The following HIVEP1 variants were observed in gnomAD, a reference collection of about 807,000 sequenced individuals.
The protein encoded by HIVEP1 is HIVEP zinc finger 1, also known as zinc finger protein 40.
In HIVEP1, 36 loss-of-function variants were observed where a neutral mutation model predicts 180.0. The ratio of observed to expected loss-of-function variants is 0.20; its 90% CI spans 0.15 to 0.26. The LOEUF (loss-of-function observed/expected upper bound fraction) is 0.26, where lower values mean the gene tolerates loss of function less well. Among genes scored for constraint, HIVEP1 ranks in the 10% least tolerant of loss-of-function variants. HIVEP1 has a pLI of 1.00. For synonymous variants in HIVEP1, 1,239 were observed against 1,239.0 expected, an observed-to-expected ratio of 1.00 and a Z score of 0.00; for missense variants, 3,143 against 3,268.7, an observed-to-expected ratio of 0.96 and a Z score of 0.94.
intron 2 of HIVEP1, among the ~76,000 whole-genome samples, chr6:12,024,963 C>T (rs763339651): frequency 2.0e-5 from 3 of 152,190 alleles, no homozygotes; most frequent in Non-Finnish European, 4.4e-5. Flanking sequence ...ATAGGTCTTA[C>T]GATGATAAAA....
chr6:12,185,240 C>T, the HIVEP1 span, among the ~76,000 whole-genome samples: 3 of 152,342 alleles, frequency 2.0e-5, no homozygotes, highest in South Asian at 2.1e-4. Flanking sequence ...TGGTGTAAGG[C>T]GTTCACCCAG....
At chr6:12,099,284 C>T (rs1266384483) in intron 3 of HIVEP1, among the ~76,000 whole-genome samples, 3 of 151,386 alleles carry the variant, frequency 2.0e-5, no homozygotes, top group African/African-American at 7.3e-5. Flanking sequence ...TCTCCTGCCT[C>T]AGCCTCCCAA....
At position 12,120,281 on chromosome 6, in the gene HIVEP1, A is replaced by G. The variant is rs551121869; in HGVS notation, c.486A>G (p.Gln162=). The change falls in exon 4 of 9, where the codon CAA becomes CAG. Residue 162 remains glutamine, a synonymous_variant. Coordinates refer to ENST00000379388, the MANE Select transcript of HIVEP1 (RefSeq NM_002114.4). ...CCAAATTCAGTGACCTCGATGAACA[A>G]TGTGACTCAAGTTCCTTGTCAAGTA... ...DPAKFSDLDE[Q]CDSSSLSSKT... The G allele has an allele frequency of 2.5e-6, 4 of 1,614,058 alleles. No homozygotes were observed. Among genetic ancestry groups the G allele is most frequent in the Admixed American group, 1.7e-5 (1 of 60,006 alleles).
chr6:12,097,753 G>A (rs1374219366), intron 3 of HIVEP1, among the ~76,000 whole-genome samples: 2 of 152,082 alleles, frequency 1.3e-5, no homozygotes, highest in Non-Finnish European at 2.9e-5. Flanking sequence ...CAGATAGACT[G>A]CCAGCTTTAT....
the HIVEP1 span, among the ~76,000 whole-genome samples, chr6:12,195,710 C>G: frequency 3.3e-5 from 5 of 152,298 alleles, no homozygotes; most frequent in East Asian, 9.7e-4. Flanking sequence ...GACTCTGAAC[C>G]AACCTGTGTA....
At position 12,122,899 on chromosome 6, in the gene HIVEP1, A is replaced by G. The variant is rs769151765; in HGVS notation, c.3104A>G (p.Lys1035Arg). 8 of 1,614,022 alleles carry G rather than the reference A, an allele frequency of 5.0e-6. No individual in the cohort carries two copies. In the African/African-American group the frequency reaches 5.3e-5, roughly 11 times the overall value. ...TPQIRKRRKMKSVGDDEELQQ... is the reference protein window; with the variant it reads ...TPQIRKRRKMRSVGDDEELQQ... ...CAGATAAGAAAAAGGAGGAAAATGA[A>G]AAGTGTTGGGGATGATGAAGAACTT... The change falls in exon 4 of 9, where the codon AAA becomes AGA. Residue 1035 changes from lysine (K) to arginine (R), a missense_variant. By Grantham distance (26) the Lys-to-Arg change is conservative. Around this residue, in one of 12 missense-constraint regions of HIVEP1, gnomAD observed 1,357 missense variants for 1,260.5 expected, o/e 1.08. Transcript: ENST00000379388.
intron 2 of HIVEP1, among the ~76,000 whole-genome samples, chr6:12,018,864 G>A (rs1325396140): frequency 3.3e-5 from 5 of 152,196 alleles, no homozygotes; most frequent in Non-Finnish European, 7.3e-5. Flanking sequence ...GCAGGATACT[G>A]GAGCAGGAGA....
chr6:12,108,396 C>T (rs1241247049), intron 3 of HIVEP1, among the ~76,000 whole-genome samples: 1 of 152,236 alleles, frequency 6.6e-6, no homozygotes, highest in Non-Finnish European at 1.5e-5. Context: ...CCGCACTCTT[C>T]AGCCCTTGGG....
the HIVEP1 span, among the ~76,000 whole-genome samples, chr6:12,188,374 C>G: frequency 2.0e-5 from 3 of 152,010 alleles, no homozygotes; most frequent in East Asian, 5.8e-4. Flanking sequence ...ATGAATAGAT[C>G]GATACTTTCT....
chr6:12,069,650 C>T (rs1438767374), intron 2 of HIVEP1, among the ~76,000 whole-genome samples: 10 of 151,134 alleles, frequency 6.6e-5, no homozygotes, highest in Non-Finnish European at 1.0e-4. Context: ...TGCAGCGCAC[C>T]AGCATGGCAA....
chr6:12,166,555 T>C (rs762325956), downstream of HIVEP1, among the ~76,000 whole-genome samples: 4 of 152,220 alleles, frequency 2.6e-5, no homozygotes, highest in Non-Finnish European at 5.9e-5. Context: ...ATTTGAAATA[T>C]GCAGCTCTAT....
chr6:12,172,831 A>G, the HIVEP1 span, among the ~76,000 whole-genome samples: 1 of 151,316 alleles, frequency 6.6e-6, no homozygotes, highest in South Asian at 2.1e-4. Flanking sequence ...TTTTTCAGTA[A>G]TGATTTATGA....
At position 12,123,097 on chromosome 6, in the gene HIVEP1, A is replaced by C. The variant is rs1477233724; in HGVS notation, c.3302A>C (p.Glu1101Ala). 2 of 1,614,084 alleles carry C rather than the reference A, an allele frequency of 1.2e-6. No homozygotes were observed. Among genetic ancestry groups the C allele is most frequent in the African/African-American group, 1.3e-5 (1 of 74,922 alleles). Residue 1101 changes from glutamate (E) to alanine (A), a missense_variant, in exon 4 of 9, where the codon GAG becomes GCG. By Grantham distance (107) the Glu-to-Ala change is moderately radical. Transcript: ENST00000379388. ...SHIHLVARGP[E>A]QTMDPKLSTI... ...ATTCACCTTGTTGCCAGGGGCCCTG[A>C]GCAGACCATGGATCCCAAGCTGTCG...
the HIVEP1 span, among the ~76,000 whole-genome samples, chr6:12,199,740 A>G: frequency 6.6e-6 from 1 of 152,248 alleles, no homozygotes; most frequent in Non-Finnish European, 1.5e-5. Flanking sequence ...AGTGGAATAT[A>G]TAAAATCTAT....
intron 2 of HIVEP1, among the ~76,000 whole-genome samples, chr6:12,054,684 T>C (rs761631325): frequency 2.6e-5 from 4 of 152,230 alleles, no homozygotes; most frequent in Non-Finnish European, 4.4e-5. Context: ...TTTGCTGTTA[T>C]TAGTTTGTTT....
the HIVEP1 span, among the ~76,000 whole-genome samples, chr6:12,200,884 C>T: frequency 6.6e-6 from 1 of 152,318 alleles, no homozygotes; most frequent in African/African-American, 2.4e-5. Flanking sequence ...ATGAGCACTG[C>T]AGAAAAATGT....
rs546399993 is a variant in HIVEP1 at position 12,125,336 on chromosome 6, C to T, written c.5541C>T (p.Val1847=). ...DNSSTGCSKF[V]VIEPISELQE... ...CATCAACAGGATGCTCTAAATTTGT[C>T]GTTATAGAACCTATAAGTGAATTGC... The change falls in exon 4 of 9, where the codon GTC becomes GTT. Residue 1847 remains valine (V), a synonymous_variant. Transcript: ENST00000379388. 60 of 1,613,990 alleles carry T rather than the reference C, an allele frequency of 3.7e-5. No individual in the cohort carries two copies. The highest frequency in any genetic ancestry group is 3.5e-4 in the South Asian group (32 of 91,004).
intron 7 of HIVEP1, among the ~76,000 whole-genome samples, chr6:12,146,277 A>C (rs112779872): frequency 0.05 from 7,669 of 152,162 alleles, 627 homozygotes; most frequent in African/African-American, 0.17. Context: ...ATCCTGTCTC[A>C]ACTAAAAATA....
At chr6:12,056,118 T>C (rs141303168) in intron 2 of HIVEP1, among the ~76,000 whole-genome samples, 1 of 151,860 alleles carries the variant, frequency 6.6e-6, no homozygotes, top group East Asian at 1.9e-4. Context: ...GAAACTAAGG[T>C]TAAAAAAAAA....
Sources: gnomAD v4.1 joint callset for allele counts (sites outside exome capture counted in the v4.1 genomes callset) on GRCh38, gnomAD v4.1.1 for gene constraint, gnomAD v4.1.1 regional missense constraint, MANE v1.5 for transcripts, NCBI Gene and HGNC (gene_info 2026-07-23, HGNC 2026-07-21) for gene names.